The following FOCAD variants were observed in gnomAD, a reference collection of about 807,000 sequenced individuals.
FOCAD encodes the protein focadhesin, also known as KIAA1797.
Under a neutral mutation model 225.6 loss-of-function variants are expected in FOCAD, and 198 were observed. The ratio of observed to expected loss-of-function variants is 0.88; its 90% CI spans 0.78 to 0.99. The LOEUF is 0.99. FOCAD is among the 50% of genes least tolerant of loss of function. The pLI is 0.00. For synonymous variants in FOCAD, 897 were observed against 755.0 expected (o/e 1.19, Z -3.08); for missense variants, 2,713 against 2,123.6 (o/e 1.28, Z -5.46).
rs767555418 is a variant in FOCAD, at chr9:20,986,333, C to A, written c.4774C>A (p.Gln1592Lys). Residue 1592 changes from glutamine (Q) to lysine (K), a missense_variant, in exon 40 of 44, where the codon CAA (glutamine) becomes AAA (lysine). Coordinates refer to ENST00000338382, the MANE Select transcript of FOCAD (RefSeq NM_001375567.1). Reference protein sequence around the residue: ...AAFVKLYLVSQGRFPLVNLTD... With the variant: ...AAFVKLYLVSKGRFPLVNLTD... ...CTTTGTCAAACTGTACTTAGTCTCT[C>A]AAGGACGATTCCCCTTGGTGAACCT... The A allele has an allele frequency of 6.9e-7, 1 of 1,440,154 alleles. No individual in the cohort carries two copies. Among genetic ancestry groups the A allele is most frequent in the Admixed American group, 2.0e-5 (1 of 49,888 alleles). 89.2% of individuals were successfully genotyped at this position (1,440,154 alleles called of 1,614,324 possible).
At chr9:20,686,784 A>G (rs1030810093) in intron 1 of FOCAD, among the ~76,000 whole-genome samples, 5 of 152,194 alleles carry the variant, frequency 3.3e-5, no homozygotes, top group African/African-American at 7.2e-5. Flanking sequence ...GTGATTCACA[A>G]TTAGTAATAG....
intron 8 of FOCAD, among the ~76,000 whole-genome samples, chr9:20,771,820 G>T (rs541101757): frequency 1.3e-5 from 2 of 152,196 alleles, no homozygotes; most frequent in Non-Finnish European, 1.5e-5. Flanking sequence ...TCCAAGCACA[G>T]GGTGCTGGCT....
At chr9:20,912,604 C>T (rs905152899) in intron 22 of FOCAD, among the ~76,000 whole-genome samples, 2 of 152,058 alleles carry the variant, frequency 1.3e-5, no homozygotes, top group Non-Finnish European at 2.9e-5. Flanking sequence ...AAATTTGATT[C>T]AGTAGGTATC....
At chr9:20,762,033 C>T (rs1272967289) in intron 6 of FOCAD, among the ~76,000 whole-genome samples, 1 of 152,168 alleles carries the variant, frequency 6.6e-6, no homozygotes, top group Non-Finnish European at 1.5e-5. Flanking sequence ...TCAACGTTTG[C>T]TCCTGATGTC....
At chr9:20,816,811 A>G (rs1823771859) in intron 11 of FOCAD, among the ~76,000 whole-genome samples, 1 of 152,192 alleles carries the variant, frequency 6.6e-6, no homozygotes, top group Admixed American at 6.6e-5. Context: ...ATAAGAATTT[A>G]GCAATAAAGA....
At chr9:20,836,912 G>A (rs761066789) in intron 15 of FOCAD, among the ~76,000 whole-genome samples, 44 of 152,010 alleles carry the variant, frequency 2.9e-4, no homozygotes, top group Non-Finnish European at 5.3e-4. Context: ...AAAATTTGGA[G>A]ATCATGGAAA....
intron 2 of FOCAD, among the ~76,000 whole-genome samples, chr9:20,666,748 C>T (rs989045269): frequency 1.3e-5 from 2 of 152,038 alleles, no homozygotes; most frequent in African/African-American, 4.8e-5. Context: ...AATGTGGTTC[C>T]AGTGGTGGCA....
chr9:20,728,586 A>G (rs1263678179), intron 4 of FOCAD, among the ~76,000 whole-genome samples: 1 of 152,160 alleles, frequency 6.6e-6, no homozygotes, highest in African/African-American at 2.4e-5. Context: ...TCTTATGCCT[A>G]GTGAAAATTG....
chr9:20,715,284 T>C, intron 1 of FOCAD, 38 bp from the exon 2 acceptor site: 1 of 1,001,152 alleles, frequency 1.0e-6, no homozygotes, highest in Non-Finnish European at 1.4e-6. Context: ...TTCAGACCAG[T>C]TGGAAGACTA....
intron 34 of FOCAD, among the ~76,000 whole-genome samples, chr9:20,951,462 A>G (rs1486496133): frequency 6.6e-6 from 1 of 152,188 alleles, no homozygotes; most frequent in Non-Finnish European, 1.5e-5. Flanking sequence ...TAATTTGGTG[A>G]CAAATCTAGA....
At chr9:20,692,176 T>G (rs1040147549) in intron 1 of FOCAD, among the ~76,000 whole-genome samples, 23 of 152,196 alleles carry the variant, frequency 1.5e-4, no homozygotes, top group African/African-American at 5.5e-4. Context: ...TTTGGATGAC[T>G]AATATATATT....
At chr9:20,716,697 C>G (rs1825364366) in intron 2 of FOCAD, among the ~76,000 whole-genome samples, 1 of 152,088 alleles carries the variant, frequency 6.6e-6, no homozygotes. Flanking sequence ...ATGTTAGCAC[C>G]ATATTTCTTT....
chr9:20,917,480 A>C (rs544722651), intron 24 of FOCAD, among the ~76,000 whole-genome samples: 3 of 152,292 alleles, frequency 2.0e-5, no homozygotes, highest in African/African-American at 4.8e-5. Context: ...TATTTACCTT[A>C]AGCCAGCTCT....
intron 15 of FOCAD, among the ~76,000 whole-genome samples, chr9:20,860,656 A>G (rs796310757): frequency 5.9e-5 from 9 of 152,234 alleles, no homozygotes; most frequent in African/African-American, 2.2e-4. Flanking sequence ...TGGCTGGGGC[A>G]TATGCCTCCA....
At chr9:20,899,638 T>C (rs758473801) in intron 21 of FOCAD, among the ~76,000 whole-genome samples, 56 of 152,088 alleles carry the variant, frequency 3.7e-4, no homozygotes, top group African/African-American at 1.3e-3. Flanking sequence ...TATTTTGAAA[T>C]GTATTTTGTT....
At chr9:20,710,786 A>G (rs1025707462) in intron 1 of FOCAD, among the ~76,000 whole-genome samples, 4 of 152,096 alleles carry the variant, frequency 2.6e-5, no homozygotes, top group African/African-American at 9.7e-5. Context: ...AAGAGGTATC[A>G]TTTATTTTGT....
At chr9:20,748,746 T>C (rs917986748) in intron 5 of FOCAD, among the ~76,000 whole-genome samples, 1 of 152,166 alleles carries the variant, frequency 6.6e-6, no homozygotes, top group African/African-American at 2.4e-5. Context: ...TTTCCTCTTT[T>C]CCTTCTTCTT....
At chr9:20,956,918 T>C (rs890487844) in intron 35 of FOCAD, among the ~76,000 whole-genome samples, 2 of 152,158 alleles carry the variant, frequency 1.3e-5, no homozygotes, top group Non-Finnish European at 2.9e-5. Context: ...GGTCTTGAAC[T>C]CCCGACCTCA....
intron 43 of FOCAD, among the ~76,000 whole-genome samples, chr9:20,995,130 C>A (rs4596729): frequency 0.75 from 114,015 of 151,828 alleles, 43,081 homozygotes; most frequent in East Asian, 0.94. Context: ...ATGAACCTAA[C>A]TTTATTATAG....
Sources: gnomAD v4.1 joint callset for allele counts (sites outside exome capture counted in the v4.1 genomes callset) on GRCh38, gnomAD v4.1.1 for gene constraint, MANE v1.5 for transcripts, NCBI Gene and HGNC (gene_info 2026-07-23, HGNC 2026-07-21) for gene names.